NMD3: variants seen among roughly 807,000 people sequenced by gnomAD.
NMD3 encodes the protein 60S ribosomal export protein NMD3.
Under a neutral mutation model 73.1 loss-of-function variants are expected in NMD3, and 47 were observed. The ratio of observed to expected loss-of-function variants is 0.64; its 90% CI spans 0.51 to 0.82. NMD3 has a LOEUF of 0.82. Among genes scored for constraint, NMD3 ranks in the 40% least tolerant of loss-of-function variants. NMD3 has a pLI of 0.00. For synonymous variants in NMD3, 210 were observed against 194.5 expected (o/e 1.08, Z -0.66); for missense variants, 554 against 612.5 (o/e 0.90, Z 1.01).
chr3:161,240,074 A>G (rs1355293952), intron 9 of NMD3, among the ~76,000 whole-genome samples: 1 of 152,208 alleles, frequency 6.6e-6, no homozygotes, highest in Non-Finnish European at 1.5e-5. Context: ...AAAAATTAAC[A>G]TATGTATTAA....
chr3:161,234,627 T>C (rs1347770148), intron 5 of NMD3, 100 bp from the exon 6 acceptor site: 5 of 987,788 alleles, frequency 5.1e-6, no homozygotes, highest in Non-Finnish European at 7.3e-6. Context: ...AAAGCATTAA[T>C]GGAAAAAGTT....
intron 2 of NMD3, among the ~76,000 whole-genome samples, chr3:161,222,679 G>A (rs1736158513): frequency 6.6e-6 from 1 of 151,772 alleles, no homozygotes; most frequent in Non-Finnish European, 1.5e-5. Context: ...TCCTGGAATC[G>A]TTCAGCACAG....
At chr3:161,238,238 G>GT in intron 8 of NMD3, 47 bp downstream of exon 8, 1 of 1,136,348 alleles carries the variant, frequency 8.8e-7, no homozygotes, top group Non-Finnish European at 1.3e-6. Context: ...ACTTGGGAAT[G>GT]GATGCGGATC....
chr3:161,244,166 T>C (rs1737101230), intron 11 of NMD3, among the ~76,000 whole-genome samples: 1 of 152,220 alleles, frequency 6.6e-6, no homozygotes, highest in Non-Finnish European at 1.5e-5. Context: ...GATCTTGCCG[T>C]GTTGTTTGGG....
rs1339793980 is a variant in NMD3 at position 161,227,281 on chromosome 3, G to A, written c.214G>A (p.Ala72Thr). ...FQPPGTWIQC[A>T]LESRELLALC... ...ACCACCAGGAACTTGGATACAGTGT[G>A]CTTTAGAATCCAGGGAACTTCTTGC... Residue 72 changes from alanine (A) to threonine (T), a missense_variant, in exon 4 of 16, where the codon GCT becomes ACT. Transcript: ENST00000351193. 6.2e-7 allele frequency: 1 copy of A among 1,607,306 alleles called. No homozygotes were observed. The highest frequency in any genetic ancestry group is 8.5e-7 in the Non-Finnish European group (1 of 1,176,048).
chr3:161,235,932 T>G (rs1736739364), intron 7 of NMD3, among the ~76,000 whole-genome samples: 2 of 152,152 alleles, frequency 1.3e-5, no homozygotes, highest in Non-Finnish European at 2.9e-5. Context: ...TTTTATCTAT[T>G]ATGTTAGTTT....
At chr3:161,245,856 T>A (rs1737182159) in intron 11 of NMD3, among the ~76,000 whole-genome samples, 1 of 152,090 alleles carries the variant, frequency 6.6e-6, no homozygotes, top group Non-Finnish European at 1.5e-5. Context: ...TGATAAAGAT[T>A]TGGCCTCTCT....
intron 11 of NMD3, 138 bp from the exon 12 acceptor site, chr3:161,246,198 A>G (rs1422680056): frequency 1.0e-5 from 4 of 400,802 alleles, no homozygotes; most frequent in Non-Finnish European, 1.8e-5. Flanking sequence ...ACAGTGTTTC[A>G]TACATCAGAA....
Position 161,247,337 on chromosome 3 carries a change from C to T in NMD3, c.1203+7C>T, listed in dbSNP as rs1356818512. On this transcript the variant is annotated splice_region_variant and intron_variant, in intron 13 of 15. Coordinates refer to ENST00000351193, the MANE Select transcript of NMD3 (RefSeq NM_015938.5). ...AGATAGAGTTCCAGATGTGGTAAGG[C>T]TTTAGATTTTTCCCTTTTTTCCTGT... 24 of 1,591,648 alleles carry T rather than the reference C, an allele frequency of 1.5e-5. No individual in the cohort carries two copies. Among genetic ancestry groups the T allele is most frequent in the Non-Finnish European group, 1.9e-5 (22 of 1,160,458 alleles).
chr3:161,231,098 G>A (rs1202321598), intron 4 of NMD3, among the ~76,000 whole-genome samples: 1 of 152,204 alleles, frequency 6.6e-6, no homozygotes, highest in Non-Finnish European at 1.5e-5. Flanking sequence ...TTATAATTTA[G>A]CCTAGTGGCT....
In NMD3 at chr3:161,249,428, T is replaced by G. The variant is rs761083093; in HGVS notation, c.1204-26T>G. On this transcript the variant is annotated intron_variant, in intron 13 of 15. Transcript: ENST00000351193. The stretch of plus-strand genomic sequence containing the variant: ...CTCACTGTATAGTTCCCATTCTTTG[T>G]AACTTTACAAATATTTATCTTGCAG... The G allele has an allele frequency of 1.6e-5, 24 of 1,476,166 alleles. No individual in the cohort carries two copies. The South Asian group carries it at 2.6e-4, about 16-fold the overall frequency. 91.4% of individuals were successfully genotyped at this position (1,476,166 alleles called of 1,614,324 possible).
chr3:161,242,543 C>T lies in NMD3; in HGVS notation c.907C>T (p.Pro303Ser), dbSNP rs747487158. 9.9e-6 allele frequency: 16 copies of T among 1,613,146 alleles called. No individual in the cohort carries two copies. Among genetic ancestry groups the T allele is most frequent in the Middle Eastern group, 1.6e-4 (1 of 6,072 alleles). ...TGATGGGAGCACTTTCTGGAGTCACCCTTTCAATAGTTTATGTCATCCCAA... is the reference window on the plus strand; with the variant it reads ...TGATGGGAGCACTTTCTGGAGTCACTCTTTCAATAGTTTATGTCATCCCAA... ...DIDGSTFWSHPFNSLCHPKQL... is the reference protein window; with the variant it reads ...DIDGSTFWSHSFNSLCHPKQL... The change falls in exon 11 of 16, where the codon CCT (proline) becomes TCT (serine). Residue 303 changes from proline (P) to serine (S), a missense_variant. Pro to Ser is a moderately conservative substitution (Grantham distance 74). Transcript: ENST00000351193.
At chr3:161,246,839 T>G (rs1737230029) in intron 12 of NMD3, among the ~76,000 whole-genome samples, 2 of 152,210 alleles carry the variant, frequency 1.3e-5, no homozygotes, top group Non-Finnish European at 2.9e-5. Flanking sequence ...GATCAGTTCT[T>G]TCTGAATCAG....
chr3:161,238,190 A>G lies in NMD3; in HGVS notation c.655A>G (p.Arg219Gly), dbSNP rs1336093418. 6.3e-7 allele frequency: 1 copy of G among 1,588,032 alleles called. No individual in the cohort carries two copies. The highest frequency in any genetic ancestry group is 1.7e-4 in the Middle Eastern group (1 of 5,970). Residue 219 changes from arginine (R) to glycine (G), a missense_variant and splice_region_variant, in exon 8 of 16, where the codon AGA (arginine) becomes GGA (glycine). Coordinates refer to ENST00000351193, the MANE Select transcript of NMD3 (RefSeq NM_015938.5). The part of the protein sequence containing the change: ...VEFLQCTVPC[R>G]YKASQRLISQ... ...ATTTCTTCAGTGTACAGTTCCCTGT[A>G]GGTATGTTCTGAACCTTGAATGTGA...
chr3:161,252,796 T>A (rs1030177187), downstream of NMD3: 2 of 693,790 alleles, frequency 2.9e-6, no homozygotes, highest in Admixed American at 4.1e-5. Flanking sequence ...GCTGCTGATT[T>A]AGAGTCAGAA....
At chr3:161,241,387 C>G (rs1390833574) in intron 10 of NMD3, among the ~76,000 whole-genome samples, 1 of 147,710 alleles carries the variant, frequency 6.8e-6, no homozygotes, top group Admixed American at 6.8e-5. Flanking sequence ...TACATATTTA[C>G]TGGTTTATTC....
At chr3:161,249,431 CT>C in intron 13 of NMD3, 22 bp from the exon 14 acceptor site, 9 of 1,503,958 alleles carry the variant, frequency 6.0e-6, no homozygotes, top group Non-Finnish European at 8.2e-6. Flanking sequence ...TTCTTTGTAA[CT>C]TTACAAATAT....
intron 7 of NMD3, among the ~76,000 whole-genome samples, chr3:161,236,848 G>T (rs1736774967): frequency 6.6e-6 from 1 of 152,112 alleles, no homozygotes; most frequent in Non-Finnish European, 1.5e-5. Context: ...TTCTGTCAAA[G>T]ATCTATTGAC....
chr3:161,231,482 A>G (rs536837893), intron 4 of NMD3, among the ~76,000 whole-genome samples: 161 of 152,318 alleles, frequency 1.1e-3, no homozygotes, highest in Middle Eastern at 6.8e-3. Context: ...ATCGCTAGGT[A>G]TTAATATTGT....
Sources: gnomAD v4.1 joint callset for allele counts (sites outside exome capture counted in the v4.1 genomes callset) on GRCh38, gnomAD v4.1.1 for gene constraint, MANE v1.5 for transcripts, NCBI Gene and HGNC (gene_info 2026-07-23, HGNC 2026-07-21) for gene names.